Variants in PPP1R3G observed in about 807,000 individuals in gnomAD.
The protein encoded by PPP1R3G is protein phosphatase 1 regulatory subunit 3G.
PPP1R3G carries 3 observed loss-of-function variants against 2.0 expected under a neutral mutation model. That is an observed-to-expected ratio of 1.47 (90% confidence interval 0.67 to 3.81). PPP1R3G has a LOEUF of 3.81. Among genes scored for constraint, PPP1R3G ranks in the 30% most tolerant of loss-of-function variants. The pLI, the probability that PPP1R3G is intolerant of heterozygous loss-of-function variation, is 0.02. For missense variants in PPP1R3G, 595 were observed against 517.0 expected (o/e 1.15, Z -1.46); for synonymous variants, 267 against 250.9 (o/e 1.06, Z -0.61).
chr6:5,085,423 GAGTT>G lies in PPP1R3G; in HGVS notation c.-57_-54del, dbSNP rs1761957209. 4.1e-6 allele frequency: 5 copies of G among 1,226,286 alleles called. No individual in the cohort carries two copies. Among genetic ancestry groups the G allele is most frequent in the Non-Finnish European group, 5.6e-6 (5 of 890,668 alleles). The allele number at this position is 1,226,286 out of a possible 1,614,324, so 76.0% of individuals were successfully genotyped here. On this transcript the variant is annotated 5_prime_UTR_variant, in exon 1 of 1. Transcript: ENST00000405617. ...CCCTGCGCTCCTTCCACGGCCCGAG[GAGTT>G]AGTTAAGTCTCCAGAGGGGCCCGGT...
rs1006266404 is a variant in PPP1R3G at position 5,088,788 on chromosome 6, T to C, written c.*2226T>C. On this transcript the variant is annotated 3_prime_UTR_variant, in exon 1 of 1. Coordinates refer to ENST00000405617, the MANE Select transcript of PPP1R3G (RefSeq NM_001145115.3). ...CTTTATATGACTCTCAGTAATCTTG[T>C]TTAGAATAAACACGAAAATGTGAAA... The C allele has an allele frequency of 9.9e-5, 15 of 152,208 alleles. No individual in the cohort carries two copies. The highest frequency in any genetic ancestry group is 3.4e-4 in the African/African-American group (14 of 41,452). The allele number at this position is 152,208 out of a possible 1,614,324, so 9.4% of individuals were successfully genotyped here. A position where few individuals can be genotyped will look rare whatever the true frequency, so the allele number is the denominator to read the frequency against.
chr6:5,087,666 G>A lies in PPP1R3G; in HGVS notation c.*1104G>A, dbSNP rs549051610. 2.0e-5 allele frequency: 3 copies of A among 152,508 alleles called. No individual in the cohort carries two copies. In the East Asian group the frequency reaches 5.8e-4, roughly 29 times the overall value. 9.4% of individuals were successfully genotyped at this position (152,508 alleles called of 1,614,324 possible). ...CTGTTCCTCTCAGAGCCACAGTGGG[G>A]AGTGGTGACTTGATGGAAGAGGAGG... is the stretch of plus-strand genomic sequence containing the variant. On this transcript the variant is annotated 3_prime_UTR_variant, in exon 1 of 1. Transcript: ENST00000405617.
At position 5,086,225 on chromosome 6, in the gene PPP1R3G, C is replaced by T; in HGVS notation, c.740C>T (p.Ala247Val). ...GTGCTCAGCTGCCCTGGGCCCAGGG[C>T]CGTGACCGTGCGCTACACCTTTACC... Reference protein sequence around the residue: ...GRVLSCPGPRAVTVRYTFTEW... With the variant: ...GRVLSCPGPRVVTVRYTFTEW... Residue 247 changes from alanine to valine, a missense_variant, in exon 1 of 1, where the codon GCC becomes GTC. Transcript: ENST00000405617. 1 of 1,535,464 alleles carries T rather than the reference C, an allele frequency of 6.5e-7. No individual in the cohort carries two copies. Among genetic ancestry groups the T allele is most frequent in the Non-Finnish European group, 8.7e-7 (1 of 1,146,636 alleles).
In PPP1R3G at chr6:5,085,986, C is replaced by T; in HGVS notation, c.501C>T (p.Phe167=). ...CCGTGCTCTCGCGCCTCCGAAGCTT[C>T]CCTATGCGTGCCGAGGACCTGGAGC... The part of the protein sequence containing the change: ...PPAVLSRLRS[F]PMRAEDLEQL... The change falls in exon 1 of 1, where the codon TTC becomes TTT. Residue 167 remains phenylalanine (F), a synonymous_variant. Coordinates refer to ENST00000405617, the MANE Select transcript of PPP1R3G (RefSeq NM_001145115.3). 1 of 1,526,020 alleles carries T rather than the reference C, an allele frequency of 6.6e-7. No individual in the cohort carries two copies. The highest frequency in any genetic ancestry group is 8.7e-7 in the Non-Finnish European group (1 of 1,143,174). The allele number at this position is 1,526,020 out of a possible 1,614,324, so 94.5% of individuals were successfully genotyped here.
chr6:5,086,661 G>A lies in PPP1R3G; in HGVS notation c.*99G>A. ...TTGCTGGGACGCTTTGCTGAGCGTGGCGAGTCTGGCGTGAGGGGCGCGTGG... is the reference window on the plus strand; with the variant it reads ...TTGCTGGGACGCTTTGCTGAGCGTGACGAGTCTGGCGTGAGGGGCGCGTGG... On this transcript the variant is annotated 3_prime_UTR_variant, in exon 1 of 1. Transcript: ENST00000405617. 1 of 1,034,430 alleles carries A rather than the reference G, an allele frequency of 9.7e-7. No homozygotes were observed. Among genetic ancestry groups the A allele is most frequent in the Non-Finnish European group, 1.4e-6 (1 of 731,708 alleles). 64.1% of individuals were successfully genotyped at this position (1,034,430 alleles called of 1,614,324 possible).
In PPP1R3G at chr6:5,086,616, G is replaced by A. The variant is rs1051489206; in HGVS notation, c.*54G>A. The A allele has an allele frequency of 7.3e-7, 1 of 1,371,118 alleles. No individual in the cohort carries two copies. The highest frequency in any genetic ancestry group is 9.7e-7 in the Non-Finnish European group (1 of 1,032,642). 84.9% of individuals were successfully genotyped at this position (1,371,118 alleles called of 1,614,324 possible). ...CGGGGTTGATTAGCACGTGGAGCTC[G>A]GGCTGCCGCCTCAAGGAACTTGCTG... On this transcript the variant is annotated 3_prime_UTR_variant, in exon 1 of 1. Coordinates refer to ENST00000405617, the MANE Select transcript of PPP1R3G (RefSeq NM_001145115.3).
rs761107908 is a variant in PPP1R3G, at chr6:5,086,493, C to T, written c.1008C>T (p.Gly336=). The part of the protein sequence containing the change: ...HFAVCYRCAQ[G]EYWDNNAGAN... ...CTGTCTGCTACCGCTGCGCGCAGGG[C>T]GAGTACTGGGACAACAACGCGGGCG... is the stretch of plus-strand genomic sequence containing the variant. The change falls in exon 1 of 1, where the codon GGC becomes GGT. Residue 336 remains glycine (G), a synonymous_variant. Coordinates refer to ENST00000405617, the MANE Select transcript of PPP1R3G (RefSeq NM_001145115.3). 2 of 1,537,496 alleles carry T rather than the reference C, an allele frequency of 1.3e-6. No homozygotes were observed. The highest frequency in any genetic ancestry group is 1.7e-6 in the Non-Finnish European group (2 of 1,146,274).
chr6:5,086,427 CG>C lies in PPP1R3G; in HGVS notation c.943del (p.Glu315LysfsTer57). 1 of 1,536,488 alleles carries C rather than the reference CG, an allele frequency of 6.5e-7. No individual in the cohort carries two copies. Among genetic ancestry groups the C allele is most frequent in the Non-Finnish European group, 8.7e-7 (1 of 1,146,746 alleles). ...TGCCCCCGGGCCTGCAGCCTGAGGACGAAGAGGACGCCGACGAGCGCGGCGT... is the reference window on the plus strand; with the variant it reads ...TGCCCCCGGGCCTGCAGCCTGAGGACAAGAGGACGCCGACGAGCGCGGCGT... ...CLPPGLQPED[E>X]EDADERGVAV... On this transcript the variant is annotated frameshift_variant, in exon 1 of 1. Coordinates refer to ENST00000405617, the MANE Select transcript of PPP1R3G (RefSeq NM_001145115.3). LOFTEE classifies it low-confidence loss of function (END_TRUNC).
In PPP1R3G at chr6:5,088,866, C is replaced by T. The variant is rs543796754; in HGVS notation, c.*2304C>T. On this transcript the variant is annotated 3_prime_UTR_variant, in exon 1 of 1. Transcript: ENST00000405617. ...GGAATCTACCTGTTGCCTTCTTTCACCTAAAAAAATAGTAACACATCAGTG... is the reference window on the plus strand; with the variant it reads ...GGAATCTACCTGTTGCCTTCTTTCATCTAAAAAAATAGTAACACATCAGTG... The T allele has an allele frequency of 6.6e-6, 1 of 152,264 alleles. No homozygotes were observed. The highest frequency in any genetic ancestry group is 2.4e-5 in the African/African-American group (1 of 41,556). The allele number at this position is 152,264 out of a possible 1,614,324, so 9.4% of individuals were successfully genotyped here. A position where few individuals can be genotyped will look rare whatever the true frequency, so the allele number is the denominator to read the frequency against.
chr6:5,085,357 C>A lies in PPP1R3G; in HGVS notation c.-129C>A, dbSNP rs1321669082. 1 of 667,168 alleles carries A rather than the reference C, an allele frequency of 1.5e-6. No homozygotes were observed. The highest frequency in any genetic ancestry group is 2.5e-6 in the Non-Finnish European group (1 of 404,842). 41.3% of individuals were successfully genotyped at this position (667,168 alleles called of 1,614,324 possible). On this transcript the variant is annotated 5_prime_UTR_variant, in exon 1 of 1. It adds an upstream start codon to the 5' untranslated region. Coordinates refer to ENST00000405617, the MANE Select transcript of PPP1R3G (RefSeq NM_001145115.3). ...GTGGAACTACGTTGTCTTGTCGAGC[C>A]TGGGGCGACTCGCCTCGGGGAGGGC...
At position 5,086,765 on chromosome 6, in the gene PPP1R3G, C is replaced by A; in HGVS notation, c.*203C>A. 2 of 586,654 alleles carry A rather than the reference C, an allele frequency of 3.4e-6. No individual in the cohort carries two copies. The highest frequency in any genetic ancestry group is 6.0e-6 in the Non-Finnish European group (2 of 332,460). 36.3% of individuals were successfully genotyped at this position (586,654 alleles called of 1,614,324 possible). On this transcript the variant is annotated 3_prime_UTR_variant, in exon 1 of 1. Transcript: ENST00000405617. The stretch of plus-strand genomic sequence containing the variant: ...GCGAGCTTAGAGAGCCCGGGCAATG[C>A]TCCGAAAGCCTCTGACCTCAGTCTT...
Position 5,088,260 on chromosome 6 carries a change from A to G in PPP1R3G, c.*1698A>G, listed in dbSNP as rs1280711317. On this transcript the variant is annotated 3_prime_UTR_variant, in exon 1 of 1. Coordinates refer to ENST00000405617, the MANE Select transcript of PPP1R3G (RefSeq NM_001145115.3). ...CAGGCATCTGCCACCACACCTGGCT[A>G]ATTTTTGTATTTTTGGTAGAGACAG... 1 of 151,952 alleles carries G rather than the reference A, an allele frequency of 6.6e-6. No individual in the cohort carries two copies. Among genetic ancestry groups the G allele is most frequent in the African/African-American group, 2.4e-5 (1 of 41,332 alleles). 9.4% of individuals were successfully genotyped at this position (151,952 alleles called of 1,614,324 possible).
rs1018993874 is a variant in PPP1R3G, at chr6:5,085,350, G to C, written c.-136G>C. On this transcript the variant is annotated 5_prime_UTR_variant, in exon 1 of 1. Coordinates refer to ENST00000405617, the MANE Select transcript of PPP1R3G (RefSeq NM_001145115.3). Reference sequence around the variant, plus strand: ...CTCCAAAGTGGAACTACGTTGTCTTGTCGAGCCTGGGGCGACTCGCCTCGG... The same window carrying C: ...CTCCAAAGTGGAACTACGTTGTCTTCTCGAGCCTGGGGCGACTCGCCTCGG... 1.6e-4 allele frequency: 102 copies of C among 637,314 alleles called. No individual in the cohort carries two copies. The African/African-American group carries it at 1.9e-3, about 12-fold the overall frequency. The allele number at this position is 637,314 out of a possible 1,614,324, so 39.5% of individuals were successfully genotyped here.
At position 5,086,190 on chromosome 6, in the gene PPP1R3G, C is replaced by A; in HGVS notation, c.705C>A (p.Gly235=). The change falls in exon 1 of 1, where the codon GGC becomes GGA. Residue 235 remains glycine, a synonymous_variant. Transcript: ENST00000405617. ...CGGCCTCGGGCGCTGAGGTGAAGGG[C>A]TCCGGCCGGGTGCTCAGCTGCCCTG... ...CSTASGAEVK[G]SGRVLSCPGP... is the part of the protein sequence containing the mutation. 6.5e-7 allele frequency: 1 copy of A among 1,534,056 alleles called. No individual in the cohort carries two copies. Among genetic ancestry groups the A allele is most frequent in the Non-Finnish European group, 8.7e-7 (1 of 1,145,880 alleles).
Position 5,085,459 on chromosome 6 carries a change from C to T in PPP1R3G, c.-27C>T. On this transcript the variant is annotated 5_prime_UTR_variant, in exon 1 of 1. Transcript: ENST00000405617. Reference sequence around the variant, plus strand: ...GTCTCCAGAGGGGCCCGGTTCGGCCCGAGCAAGTCCAGGGGCGAACGGCGT... The same window carrying T: ...GTCTCCAGAGGGGCCCGGTTCGGCCTGAGCAAGTCCAGGGGCGAACGGCGT... 6.7e-7 allele frequency: 1 copy of T among 1,502,520 alleles called. No homozygotes were observed. Among genetic ancestry groups the T allele is most frequent in the Non-Finnish European group, 8.9e-7 (1 of 1,122,416 alleles). 93.1% of individuals were successfully genotyped at this position (1,502,520 alleles called of 1,614,324 possible).
At position 5,086,386 on chromosome 6, in the gene PPP1R3G, C is replaced by T; in HGVS notation, c.901C>T (p.His301Tyr). 6.5e-7 allele frequency: 1 copy of T among 1,536,198 alleles called. No homozygotes were observed. Among genetic ancestry groups the T allele is most frequent in the South Asian group, 1.2e-5 (1 of 84,064 alleles). Residue 301 changes from histidine to tyrosine, a missense_variant, in exon 1 of 1, where the codon CAC becomes TAC. Physicochemically the swap from His to Tyr is moderately conservative, Grantham distance 83 (BLOSUM62 2). Coordinates refer to ENST00000405617, the MANE Select transcript of PPP1R3G (RefSeq NM_001145115.3). ...AKKEPGAECF[H>Y]FSLCLPPGLQ... The stretch of plus-strand genomic sequence containing the variant: ...GAAAGAGCCAGGCGCCGAGTGCTTC[C>T]ACTTCTCGCTGTGCCTGCCCCCGGG...
rs1487996033 is a variant in PPP1R3G, at chr6:5,086,244, C to T, written c.759C>T (p.Thr253=). Residue 253 remains threonine (T), a synonymous_variant, in exon 1 of 1, where the codon ACC becomes ACT. Coordinates refer to ENST00000405617, the MANE Select transcript of PPP1R3G (RefSeq NM_001145115.3). ...CCAGGGCCGTGACCGTGCGCTACAC[C>T]TTTACCGAGTGGCGCTCCTTCCTGG... ...PGPRAVTVRY[T]FTEWRSFLDV... is the part of the protein sequence containing the mutation. 7.8e-6 allele frequency: 12 copies of T among 1,535,592 alleles called. No individual in the cohort carries two copies. Among genetic ancestry groups the T allele is most frequent in the Non-Finnish European group, 1.0e-5 (12 of 1,146,712 alleles).
Position 5,085,744 on chromosome 6 carries a change from T to C in PPP1R3G, c.259T>C (p.Leu87=), listed in dbSNP as rs1761978538. 2 of 1,540,180 alleles carry C rather than the reference T, an allele frequency of 1.3e-6. No homozygotes were observed. The highest frequency in any genetic ancestry group is 8.7e-7 in the Non-Finnish European group (1 of 1,143,628). ...RRRCRARSFS[L]PADPILQAAK... ...CCGCTGCCGCGCGCGCTCCTTTTCC[T>C]TGCCCGCCGACCCCATCTTGCAGGC... The change falls in exon 1 of 1, where the codon TTG becomes CTG. Residue 87 remains leucine (L), a synonymous_variant. Coordinates refer to ENST00000405617, the MANE Select transcript of PPP1R3G (RefSeq NM_001145115.3).
At position 5,085,524 on chromosome 6, in the gene PPP1R3G, G is replaced by C; in HGVS notation, c.39G>C (p.Pro13=). 1.3e-6 allele frequency: 2 copies of C among 1,538,676 alleles called. No homozygotes were observed. The highest frequency in any genetic ancestry group is 1.7e-6 in the Non-Finnish European group (2 of 1,146,008). ...PIGARLSLEA[P]GPAPFREAPP... The stretch of plus-strand genomic sequence containing the variant: ...GGGCGCGGCTAAGTTTGGAGGCGCC[G>C]GGACCAGCGCCCTTCCGAGAGGCCC... The change falls in exon 1 of 1, where the codon CCG becomes CCC. Residue 13 remains proline (P), a synonymous_variant. Coordinates refer to ENST00000405617, the MANE Select transcript of PPP1R3G (RefSeq NM_001145115.3).
Sources: gnomAD v4.1 joint callset for allele counts on GRCh38, gnomAD v4.1.1 for gene constraint, MANE v1.5 for transcripts, NCBI Gene and HGNC (gene_info 2026-07-23, HGNC 2026-07-21) for gene names.